The following MYLK4 variants were observed in gnomAD, a reference collection of about 807,000 sequenced individuals.
The protein encoded by MYLK4 is myosin light chain kinase family member 4.
MYLK4 carries 46 observed loss-of-function variants against 48.1 expected under a neutral mutation model. That is an observed-to-expected ratio of 0.96 (90% CI 0.75 to 1.22). The LOEUF (loss-of-function observed/expected upper bound fraction) is 1.22, where lower values mean the gene tolerates loss of function less well. Among genes scored for constraint, MYLK4 ranks in the 50% most tolerant of loss-of-function variants. The probability of loss-of-function intolerance (pLI) is 0.00; values close to 1 mark genes in which losing one functional copy is unlikely to be tolerated. For synonymous variants in MYLK4, 170 were observed against 180.8 expected, an observed-to-expected ratio of 0.94 and a Z score of 0.48; for missense variants, 451 against 486.1, an observed-to-expected ratio of 0.93 and a Z score of 0.68.
intron 2 of MYLK4, among the ~76,000 whole-genome samples, chr6:2,743,368 A>C (rs904954351): frequency 1.3e-5 from 2 of 152,264 alleles, no homozygotes; most frequent in Non-Finnish European, 2.9e-5. Flanking sequence ...TAAAATTCTT[A>C]GAATAGGAAT....
the MYLK4 span, among the ~76,000 whole-genome samples, chr6:2,756,657 A>G: frequency 2.0e-5 from 3 of 152,222 alleles, no homozygotes; most frequent in African/African-American, 7.2e-5. Flanking sequence ...CCCTTTCCCT[A>G]TACCACATAT....
chr6:2,765,400 C>G, the MYLK4 span: 3 of 415,560 alleles, frequency 7.2e-6, no homozygotes, highest in Admixed American at 1.5e-4. Flanking sequence ...ACTACACTTC[C>G]CGACACGCCG....
intron 2 of MYLK4, among the ~76,000 whole-genome samples, chr6:2,725,593 A>AAGAAAGAAAGAAAG (rs1561868230): frequency 7.0e-6 from 1 of 143,524 alleles, no homozygotes; most frequent in African/African-American, 2.7e-5. Context: ...AAGAGAAAGA[A>AAGAAAGAAAGAAAG]AGAAAGAAAG....
Position 2,664,468 on chromosome 6 carries a change from A to G in MYLK4, c.*3457T>C, listed in dbSNP as rs1320716796. 6.6e-6 allele frequency: 1 copy of G among 152,226 alleles called. No homozygotes were observed. The highest frequency in any genetic ancestry group is 6.5e-5 in the Admixed American group (1 of 15,282). 9.4% of individuals were successfully genotyped at this position (152,226 alleles called of 1,614,324 possible). ...CTGTCATTTGGCCCCCAGCACACGC[A>G]TGCACACTGGCACCCGTGCTGCGTG... is the stretch of plus-strand genomic sequence containing the variant. On this transcript the variant is annotated 3_prime_UTR_variant, in exon 13 of 13. Coordinates refer to ENST00000274643, the MANE Select transcript of MYLK4 (RefSeq NM_001012418.5).
chr6:2,752,633 C>A (rs370441099), upstream of MYLK4, among the ~76,000 whole-genome samples: 1 of 152,036 alleles, frequency 6.6e-6, no homozygotes, highest in Non-Finnish European at 1.5e-5. Context: ...TTTGGCAAGT[C>A]CATTAAACGT....
chr6:2,733,875 C>T (rs1385535770), intron 2 of MYLK4, among the ~76,000 whole-genome samples: 3 of 152,124 alleles, frequency 2.0e-5, no homozygotes, highest in Non-Finnish European at 4.4e-5. Flanking sequence ...AGGGGAACCT[C>T]GCAATCTGGA....
chr6:2,720,839 A>C (rs567565305), intron 2 of MYLK4, among the ~76,000 whole-genome samples: 33 of 152,244 alleles, frequency 2.2e-4, no homozygotes, highest in African/African-American at 7.9e-4. Flanking sequence ...TAACATCCAA[A>C]TATTAATAAT....
chr6:2,689,425 A>G (rs947824560), intron 3 of MYLK4, among the ~76,000 whole-genome samples: 1 of 152,260 alleles, frequency 6.6e-6, no homozygotes, highest in Non-Finnish European at 1.5e-5. Context: ...GATATTATAT[A>G]TTACTTTCCA....
At chr6:2,712,611 TCAAA>T (rs904009942) in intron 2 of MYLK4, among the ~76,000 whole-genome samples, 9 of 152,230 alleles carry the variant, frequency 5.9e-5, no homozygotes, top group African/African-American at 2.2e-4. Context: ...CTAAGCAGAA[TCAAA>T]CAAACAGAAC....
intron 2 of MYLK4, among the ~76,000 whole-genome samples, chr6:2,740,711 T>C (rs1757759047): frequency 6.6e-6 from 1 of 152,230 alleles, no homozygotes. Context: ...CGTAGAGACA[T>C]GGTGCTGGGC....
chr6:2,736,162 T>C (rs1763666962), intron 2 of MYLK4, among the ~76,000 whole-genome samples: 1 of 152,234 alleles, frequency 6.6e-6, no homozygotes, highest in Non-Finnish European at 1.5e-5. Context: ...TTTTGAAAGC[T>C]CTCAGGATAA....
At chr6:2,720,643 G>A (rs1763036947) in intron 2 of MYLK4, among the ~76,000 whole-genome samples, 1 of 152,046 alleles carries the variant, frequency 6.6e-6, no homozygotes, top group Non-Finnish European at 1.5e-5. Context: ...TAGGATTCGT[G>A]TAAAAGAAAC....
chr6:2,759,359 G>A, the MYLK4 span, among the ~76,000 whole-genome samples: 3 of 152,122 alleles, frequency 2.0e-5, no homozygotes, highest in East Asian at 1.9e-4. Flanking sequence ...CTCCTGCCTT[G>A]GCCTCGCAAA....
At chr6:2,671,466 A>C in intron 11 of MYLK4, 118 bp from the exon 12 acceptor site, 2 of 915,538 alleles carry the variant, frequency 2.2e-6, no homozygotes, top group East Asian at 2.5e-5. Context: ...CTTCAAGAGA[A>C]GTTCTTGAAG....
the MYLK4 span, among the ~76,000 whole-genome samples, chr6:2,763,993 G>C: frequency 1.3e-5 from 2 of 152,224 alleles, no homozygotes; most frequent in East Asian, 3.9e-4. Flanking sequence ...TTACCTGGGT[G>C]TGGTGGCGGA....
At chr6:2,770,252 G>A in the MYLK4 span, 8 of 1,614,182 alleles carry the variant, frequency 5.0e-6, no homozygotes, top group African/African-American at 1.3e-5. Context: ...GCTTCCAGTA[G>A]AGGCAATGGT....
the MYLK4 span, among the ~76,000 whole-genome samples, chr6:2,757,138 G>GA: frequency 7.9e-6 from 1 of 127,294 alleles, no homozygotes; most frequent in Non-Finnish European, 1.7e-5. Flanking sequence ...TCAGAGGTGT[G>GA]CTTTTTTTTT....
the MYLK4 span, among the ~76,000 whole-genome samples, chr6:2,768,037 T>C: frequency 6.6e-6 from 1 of 152,198 alleles, no homozygotes; most frequent in Non-Finnish European, 1.5e-5. Context: ...ACATTCATAT[T>C]AATAACAGCA....
intron 2 of MYLK4, among the ~76,000 whole-genome samples, chr6:2,715,184 T>C (rs1762822638): frequency 6.7e-6 from 1 of 149,270 alleles, no homozygotes; most frequent in African/African-American, 2.5e-5. Context: ...CACTTGAACC[T>C]GGGAGGCGGA....
Sources: gnomAD v4.1 joint callset for allele counts (sites outside exome capture counted in the v4.1 genomes callset) on GRCh38, gnomAD v4.1.1 for gene constraint, MANE v1.5 for transcripts, NCBI Gene and HGNC (gene_info 2026-07-23, HGNC 2026-07-21) for gene names.